Variants in GPATCH2L observed in about 807,000 individuals in gnomAD.
GPATCH2L encodes the protein G patch domain-containing protein 2-like.
In GPATCH2L, 31 loss-of-function variants were observed where a neutral mutation model predicts 57.4. That is an observed-to-expected ratio of 0.54 (90% CI 0.41 to 0.73). GPATCH2L has a LOEUF of 0.73. GPATCH2L is among the 30% of genes least tolerant of loss of function. The probability of loss-of-function intolerance (pLI) is 0.00; values close to 1 mark genes in which losing one functional copy is unlikely to be tolerated. For missense variants in GPATCH2L, 481 were observed against 599.9 expected (o/e 0.80, Z 2.07); for synonymous variants, 199 against 210.7 (o/e 0.94, Z 0.48).
chr14:76,168,530 A>T (rs370262272), intron 3 of GPATCH2L, among the ~76,000 whole-genome samples: 2 of 152,286 alleles, frequency 1.3e-5, no homozygotes, highest in South Asian at 4.1e-4. Flanking sequence ...TTAGGTTTAC[A>T]TCTACTCAGT....
chr14:76,231,622 T>TACACACATACAC lies in GPATCH2L; in HGVS notation c.*117+1676_*117+1677insTACACACACACA, dbSNP rs140013649. The stretch of plus-strand genomic sequence containing the variant: ...TGGCTAAAATTAGAAACTAAACACA[T>TACACACATACAC]ACACACACACACACACACACACACA... On this transcript the variant is annotated intron_variant and NMD_transcript_variant, in intron 2 of 3. Coordinates refer to the GPATCH2L transcript ENST00000556372. Among the ~76,000 whole-genome samples the TACACACATACAC allele has an allele frequency of 4.7e-3, 698 of 147,470 alleles. 8 individuals are homozygous for TACACACATACAC. The highest frequency in any genetic ancestry group is 0.017 in the Middle Eastern group (5 of 292).
chr14:76,218,898 T>TC (rs1215449011), downstream of GPATCH2L, among the ~76,000 whole-genome samples: 7 of 151,412 alleles, frequency 4.6e-5, no homozygotes. Flanking sequence ...TAGGTAGGGC[T>TC]CTGGTGAAAA....
At chr14:76,176,744 C>G in intron 6 of GPATCH2L, 54 bp downstream of exon 6, 1 of 1,187,134 alleles carries the variant, frequency 8.4e-7, no homozygotes. Context: ...GAGGAGGAGG[C>G]AGAGGGGAGT....
At chr14:76,192,934 A>G (rs991539978) in intron 8 of GPATCH2L, among the ~76,000 whole-genome samples, 1 of 152,126 alleles carries the variant, frequency 6.6e-6, no homozygotes, top group African/African-American at 2.4e-5. Flanking sequence ...GAAGTAGACC[A>G]TTTACCACAG....
intron 1 of GPATCH2L, chr14:76,152,487 C>T (rs2038096761): frequency 6.0e-6 from 2 of 335,466 alleles, no homozygotes; most frequent in Admixed American, 7.8e-5. Context: ...CTACTCCGCC[C>T]CTCACTTCCA....
intron 2 of GPATCH2L, among the ~76,000 whole-genome samples, chr14:76,231,202 C>G (rs74069128): frequency 0.018 from 2,737 of 152,310 alleles, 85 homozygotes; most frequent in African/African-American, 0.062. Flanking sequence ...CAACTCAAGA[C>G]CTCCTTGCCT....
chr14:76,169,640 C>CT (rs2038998584), intron 3 of GPATCH2L, among the ~76,000 whole-genome samples: 1 of 152,124 alleles, frequency 6.6e-6, no homozygotes, highest in Non-Finnish European at 1.5e-5. Context: ...CAGGGAGTCC[C>CT]TTTTTGTATT....
At chr14:76,157,086 T>C (rs1337614999) in intron 2 of GPATCH2L, among the ~76,000 whole-genome samples, 1 of 152,246 alleles carries the variant, frequency 6.6e-6, no homozygotes, top group Non-Finnish European at 1.5e-5. Flanking sequence ...TAAAGGGTTG[T>C]AGCTGTGAAG....
At position 76,200,962 on chromosome 14, in the gene GPATCH2L, T is replaced by G. The variant is rs1566816835; in HGVS notation, c.1289-729T>G. Among the ~76,000 whole-genome samples, 13 of 152,212 alleles carry G rather than the reference T, an allele frequency of 8.5e-5. 1 individual carries two copies. The South Asian group carries it at 2.5e-3, about 29-fold the overall frequency. ...TTGGAAATGTGAAGTAAATGTTTGT[T>G]TGTCACAATGACTGGGGAGTGTTCC... On this transcript the variant is annotated intron_variant, in intron 9 of 9. Coordinates refer to ENST00000261530, the MANE Select transcript of GPATCH2L (RefSeq NM_017926.4).
chr14:76,214,626 A>T (rs961941123), downstream of GPATCH2L, among the ~76,000 whole-genome samples: 2 of 152,128 alleles, frequency 1.3e-5, no homozygotes, highest in Non-Finnish European at 2.9e-5. Context: ...GGTCTCTTTT[A>T]TAAGGGCATA....
chr14:76,217,821 A>G (rs1472666318), downstream of GPATCH2L, among the ~76,000 whole-genome samples: 1 of 152,162 alleles, frequency 6.6e-6, no homozygotes, highest in African/African-American at 2.4e-5. Context: ...AACTTTCCAT[A>G]TAGTCGATTG....
chr14:76,159,447 A>G (rs982200670), intron 2 of GPATCH2L, among the ~76,000 whole-genome samples: 3 of 152,232 alleles, frequency 2.0e-5, no homozygotes, highest in Middle Eastern at 3.4e-3. Flanking sequence ...ACTCCCGTGG[A>G]CATAGGTAAC....
chr14:76,157,335 T>G (rs2038356543), intron 2 of GPATCH2L, among the ~76,000 whole-genome samples: 1 of 152,252 alleles, frequency 6.6e-6, no homozygotes, highest in Non-Finnish European at 1.5e-5. Flanking sequence ...AAAATCTCCC[T>G]TAATTGTTAG....
rs912610422 is a variant in GPATCH2L at position 76,212,499 on chromosome 14, T to C, written c.*10648T>C. On this transcript the variant is annotated 3_prime_UTR_variant, in exon 10 of 10. Coordinates refer to ENST00000261530, the MANE Select transcript of GPATCH2L (RefSeq NM_017926.4). ...CTGTGTACCAAATAATGGAAAACCA[T>C]TTATGTATTGGAAACCATAGGAGAC... is the stretch of plus-strand genomic sequence containing the variant. 15 of 151,846 alleles carry C rather than the reference T, an allele frequency of 9.9e-5. No individual in the cohort carries two copies. The highest frequency in any genetic ancestry group is 5.2e-4 in the Admixed American group (8 of 15,244). The allele number at this position is 151,846 out of a possible 1,614,324, so 9.4% of individuals were successfully genotyped here.
Position 76,202,164 on chromosome 14 carries a change from T to TAG in GPATCH2L, c.*313_*314insAG, listed in dbSNP as rs1446458162. 1 of 200,474 alleles carries TAG rather than the reference T, an allele frequency of 5.0e-6. No homozygotes were observed. The highest frequency in any genetic ancestry group is 2.3e-5 in the African/African-American group (1 of 43,106). 12.4% of individuals were successfully genotyped at this position (200,474 alleles called of 1,614,324 possible). ...TACAGAACTGTTGCTTTTTTGCAGT[T>TAG]GTCTTTGTTCTTGAAAAACCAGTAA... On this transcript the variant is annotated 3_prime_UTR_variant, in exon 10 of 10. Coordinates refer to ENST00000261530, the MANE Select transcript of GPATCH2L (RefSeq NM_017926.4).
intron 1 of GPATCH2L, among the ~76,000 whole-genome samples, chr14:76,226,529 T>G (rs980211150): frequency 6.6e-6 from 1 of 152,226 alleles, no homozygotes; most frequent in African/African-American, 2.4e-5. Flanking sequence ...TCTTGCTATA[T>G]CCTGAATGTG....
intron 8 of GPATCH2L, among the ~76,000 whole-genome samples, chr14:76,194,658 A>G (rs1443643936): frequency 6.6e-6 from 1 of 152,318 alleles, no homozygotes; most frequent in East Asian, 1.9e-4. Flanking sequence ...TTCCAGTTTT[A>G]AGACTACTAA....
intron 9 of GPATCH2L, among the ~76,000 whole-genome samples, chr14:76,198,732 C>T (rs1190591186): frequency 6.6e-6 from 1 of 151,960 alleles, no homozygotes; most frequent in African/African-American, 2.4e-5. Context: ...GATATGAGAG[C>T]GAGAGAGAGA....
chr14:76,180,790 C>T lies in GPATCH2L; in HGVS notation c.1134C>T (p.Ser378=), dbSNP rs746703429. The change falls in exon 8 of 10, where the codon TCC becomes TCT. Residue 378 remains serine, a synonymous_variant. Transcript: ENST00000261530. ...HEFNPLSPLY[S]LDVLADASHR... ...TCAATCCCCTGTCTCCCCTTTACTC[C>T]CTGGATGTTCTTGCCGATGCTTCTC... is the stretch of plus-strand genomic sequence containing the variant. 40 of 1,612,894 alleles carry T rather than the reference C, an allele frequency of 2.5e-5. No homozygotes were observed. The highest frequency in any genetic ancestry group is 3.1e-5 in the Non-Finnish European group (37 of 1,178,984).
Sources: allele counts gnomAD v4.1 joint callset (sites outside exome capture counted in the v4.1 genomes callset), GRCh38; gene constraint gnomAD v4.1.1; transcripts MANE v1.5; gene names NCBI Gene and HGNC (gene_info 2026-07-23, HGNC 2026-07-21).